COL21A1: variants seen among roughly 807,000 people sequenced by gnomAD.
The protein encoded by COL21A1 is collagen type XXI alpha 1 chain.
COL21A1 carries 149 observed loss-of-function variants against 137.9 expected under a neutral mutation model. That is an observed-to-expected ratio of 1.08 (90% confidence interval 0.95 to 1.24). The LOEUF is 1.24. Ranked by LOEUF, COL21A1 falls within the 50% of genes most tolerant of loss-of-function variation. The probability of loss-of-function intolerance (pLI) is 0.00; values close to 1 mark genes in which losing one functional copy is unlikely to be tolerated. For missense variants in COL21A1, 1,167 were observed against 1,158.4 expected, an observed-to-expected ratio of 1.01 and a Z score of -0.11; for synonymous variants, 456 against 391.5, an observed-to-expected ratio of 1.16 and a Z score of -1.95.
intron 1 of COL21A1, among the ~76,000 whole-genome samples, chr6:56,266,383 C>T (rs139071214): frequency 3.9e-5 from 6 of 152,110 alleles, no homozygotes; most frequent in African/African-American, 7.2e-5. Flanking sequence ...CAGCCATGAT[C>T]TTTTTTGTTT....
At chr6:56,181,483 C>T (rs916729998) in intron 2 of COL21A1, among the ~76,000 whole-genome samples, 1 of 151,862 alleles carries the variant, frequency 6.6e-6, no homozygotes, top group African/African-American at 2.4e-5. Flanking sequence ...TACTGAGACT[C>T]ATTGTTGTCT....
At chr6:56,180,249 G>A (rs1777796833) in intron 2 of COL21A1, 120 bp from the exon 3 acceptor site, 1 of 779,706 alleles carries the variant, frequency 1.3e-6, no homozygotes, top group Admixed American at 3.2e-5. Context: ...AATTGTCTGT[G>A]AAATATGTTT....
At chr6:56,084,123 A>T (rs1768016478) in intron 17 of COL21A1, among the ~76,000 whole-genome samples, 1 of 151,896 alleles carries the variant, frequency 6.6e-6, no homozygotes. Flanking sequence ...TTCTACTTAA[A>T]TTCAGGAATA....
At chr6:56,100,757 A>G (rs559228877) in intron 17 of COL21A1, among the ~76,000 whole-genome samples, 3 of 152,284 alleles carry the variant, frequency 2.0e-5, no homozygotes, top group African/African-American at 4.8e-5. Flanking sequence ...CCTCTACCCT[A>G]TTTAAGAAGC....
intron 1 of COL21A1, among the ~76,000 whole-genome samples, chr6:56,299,890 A>G (rs1764241933): frequency 6.6e-6 from 1 of 152,048 alleles, no homozygotes; most frequent in African/African-American, 2.4e-5. Context: ...TGCGGTTAAG[A>G]GCTCCCCTTT....
chr6:56,246,968 A>G (rs896630761), intron 1 of COL21A1, among the ~76,000 whole-genome samples: 2 of 152,208 alleles, frequency 1.3e-5, no homozygotes, highest in Non-Finnish European at 2.9e-5. Context: ...CAGCAGCCGT[A>G]AAGAACCTCT....
upstream of COL21A1, among the ~76,000 whole-genome samples, chr6:56,250,127 T>C (rs1006484633): frequency 1.2e-4 from 18 of 152,238 alleles, no homozygotes; most frequent in Non-Finnish European, 2.1e-4. Context: ...TTCCAAAATA[T>C]GCCATGTGGC....
At chr6:56,357,791 C>T (rs149018454) in intron 1 of COL21A1, among the ~76,000 whole-genome samples, 6 of 152,286 alleles carry the variant, frequency 3.9e-5, no homozygotes, top group East Asian at 1.9e-4. Context: ...GAATGCTTCA[C>T]GGCATGCCAA....
chr6:56,184,576 T>C (rs1195508220), intron 1 of COL21A1, among the ~76,000 whole-genome samples: 1 of 152,220 alleles, frequency 6.6e-6, no homozygotes, highest in African/African-American at 2.4e-5. Flanking sequence ...CAGTTTCACC[T>C]AGTTAATATT....
intron 1 of COL21A1, among the ~76,000 whole-genome samples, chr6:56,382,174 G>A (rs1361850926): frequency 6.6e-6 from 1 of 152,180 alleles, no homozygotes; most frequent in Non-Finnish European, 1.5e-5. Flanking sequence ...AATTTTCAGT[G>A]TCTGGTGATT....
At chr6:56,371,275 AGAG>A (rs1250277142) in intron 1 of COL21A1, among the ~76,000 whole-genome samples, 1 of 152,240 alleles carries the variant, frequency 6.6e-6, no homozygotes, top group Non-Finnish European at 1.5e-5. Context: ...TAATGCAGAA[AGAG>A]GATTTAGGGA....
intron 1 of COL21A1, among the ~76,000 whole-genome samples, chr6:56,260,585 A>AAAGAAGAAG (rs70986789): frequency 2.2e-5 from 2 of 91,846 alleles, no homozygotes; most frequent in African/African-American, 7.2e-5. Flanking sequence ...AAAAAAAAAG[A>AAAGAAGAAG]AAGAAGAAGA....
chr6:56,329,234 A>G (rs1289846898), intron 1 of COL21A1, among the ~76,000 whole-genome samples: 1 of 152,034 alleles, frequency 6.6e-6, no homozygotes, highest in Non-Finnish European at 1.5e-5. Flanking sequence ...TTTAACTTTG[A>G]CTATCTTAAA....
At chr6:56,173,733 G>T (rs1379731111) in intron 3 of COL21A1, among the ~76,000 whole-genome samples, 1 of 152,060 alleles carries the variant, frequency 6.6e-6, no homozygotes, top group Non-Finnish European at 1.5e-5. Flanking sequence ...ACTGAAGGGA[G>T]AAATAGAAAG....
At chr6:56,079,028 T>A (rs1767496196) in intron 17 of COL21A1, among the ~76,000 whole-genome samples, 1 of 151,790 alleles carries the variant, frequency 6.6e-6, no homozygotes, top group Non-Finnish European at 1.5e-5. Context: ...AAAATGTATA[T>A]TCTCAATGCA....
At chr6:56,110,155 C>T (rs1164207330) in intron 16 of COL21A1, among the ~76,000 whole-genome samples, 1 of 151,004 alleles carries the variant, frequency 6.6e-6, no homozygotes, top group Non-Finnish European at 1.5e-5. Context: ...GTGGTTTATC[C>T]CAATAATGCA....
intron 10 of COL21A1, among the ~76,000 whole-genome samples, chr6:56,154,149 A>G (rs984573472): frequency 6.6e-6 from 1 of 152,098 alleles, no homozygotes; most frequent in Non-Finnish European, 1.5e-5. Flanking sequence ...CAAGGGAGTG[A>G]ATTCTTGATA....
intron 22 of COL21A1, 80 bp downstream of exon 22, chr6:56,068,966 A>G: frequency 1.2e-6 from 1 of 846,572 alleles, no homozygotes; most frequent in Non-Finnish European, 1.9e-6. Flanking sequence ...AACAAGTCCT[A>G]CTTTAAGAAT....
chr6:56,329,606 GCAT>G (rs751255620), intron 1 of COL21A1, among the ~76,000 whole-genome samples: 6 of 152,044 alleles, frequency 3.9e-5, no homozygotes, highest in Non-Finnish European at 8.8e-5. Context: ...CTGAGAACAT[GCAT>G]GGAACAACAG....
Sources: allele counts gnomAD v4.1 joint callset (sites outside exome capture counted in the v4.1 genomes callset), GRCh38; gene constraint gnomAD v4.1.1; transcripts MANE v1.5; gene names NCBI Gene and HGNC (gene_info 2026-07-23, HGNC 2026-07-21).